FLCN: variants seen among roughly 807,000 people sequenced by gnomAD.
The protein encoded by FLCN is BHD skin lesion fibrofolliculoma protein.
In FLCN, 22 loss-of-function variants were observed where a neutral mutation model predicts 62.5. The observed-to-expected ratio is 0.35, with a 90% CI of 0.25 to 0.50. The LOEUF (loss-of-function observed/expected upper bound fraction) is 0.50, where lower values mean the gene tolerates loss of function less well. FLCN is among the 20% of genes least tolerant of loss of function. The pLI, the probability that FLCN is intolerant of heterozygous loss-of-function variation, is 0.97. For missense variants in FLCN, 657 were observed against 778.0 expected (o/e 0.84, Z 1.85); for synonymous variants, 319 against 310.0 (o/e 1.03, Z -0.30).
At chr17:17,235,034 C>A (rs1238561082) in intron 1 of FLCN, among the ~76,000 whole-genome samples, 1 of 151,044 alleles carries the variant, frequency 6.6e-6, no homozygotes, top group Non-Finnish European at 1.5e-5. Context: ...ATGGCGTGAA[C>A]CCAGGAGGCA....
At chr17:17,223,869 G>C (rs1156489174) in intron 6 of FLCN, 53 bp downstream of exon 6, 1 of 1,582,180 alleles carries the variant, frequency 6.3e-7, no homozygotes, top group African/African-American at 1.3e-5. Context: ...GCACAGAGCG[G>C]CTCATGCAGT....
In FLCN at chr17:17,228,079, AAG is replaced by A. The variant is rs2145049426; in HGVS notation, c.57_58del (p.Phe20LeufsTer16). On this transcript the variant is annotated frameshift_variant, in exon 4 of 14. Coordinates refer to ENST00000285071, the MANE Select transcript of FLCN (RefSeq NM_144997.7). LOFTEE classifies it high-confidence loss of function. ...TGGGGCGTGCAGCACCTCCGTGCAGAAGAGAGTGCGGGGGCCGTGGAGCTCGC... is the reference window on the plus strand; with the variant it reads ...TGGGGCGTGCAGCACCTCCGTGCAGAAGAGTGCGGGGGCCGTGGAGCTCGC... The A allele has an allele frequency of 6.2e-7, 1 of 1,613,614 alleles. No individual in the cohort carries two copies.
intron 5 of FLCN, chr17:17,224,946 G>A (rs997673047): frequency 6.6e-6 from 1 of 152,638 alleles, no homozygotes; most frequent in African/African-American, 2.4e-5. Context: ...TAGCAGACCA[G>A]CGGTAGGAAA....
intron 5 of FLCN, 177 bp from the exon 6 acceptor site, chr17:17,224,320 A>C: frequency 3.1e-6 from 2 of 643,634 alleles, no homozygotes; most frequent in South Asian, 3.6e-5. Context: ...TCCTGTGATC[A>C]AGCTTCCAAC....
chr17:17,223,052 G>C, intron 6 of FLCN: 1 of 340,406 alleles, frequency 2.9e-6, no homozygotes, highest in South Asian at 2.5e-5. Context: ...AAGGCCCTCA[G>C]CACCATCTGT....
chr17:17,230,812 G>A (rs923366270), intron 3 of FLCN, among the ~76,000 whole-genome samples: 4 of 151,996 alleles, frequency 2.6e-5, no homozygotes, highest in Non-Finnish European at 4.4e-5. Context: ...AGAATCGCTC[G>A]AACCTGGGAG....
intron 6 of FLCN, 52 bp downstream of exon 6, chr17:17,223,870 C>T (rs2047167572): frequency 6.3e-7 from 1 of 1,588,756 alleles, no homozygotes; most frequent in Non-Finnish European, 8.6e-7. Context: ...CACAGAGCGG[C>T]TCATGCAGTG....
intron 11 of FLCN, among the ~76,000 whole-genome samples, 185 bp from the exon 12 acceptor site, chr17:17,215,501 T>G (rs1188353980): frequency 6.6e-6 from 1 of 152,154 alleles, no homozygotes; most frequent in Non-Finnish European, 1.5e-5. Flanking sequence ...TAGTTAAGGG[T>G]TAACTTTTGC....
rs1334265584 is a variant in FLCN at position 17,212,358 on chromosome 17, A to G, written c.*1297T>C. 2.8e-5 allele frequency: 5 copies of G among 177,482 alleles called. No individual in the cohort carries two copies. The highest frequency in any genetic ancestry group is 1.2e-5 in the Non-Finnish European group (1 of 82,716). 11.0% of individuals were successfully genotyped at this position (177,482 alleles called of 1,614,324 possible). A position where few individuals can be genotyped will look rare whatever the true frequency, so the allele number is the denominator to read the frequency against. ...CATCAGAAAATCCCTCTGAGCCATG[A>G]ATCCTTATTAAAAATGTATAGTGGG... On this transcript the variant is annotated 3_prime_UTR_variant, in exon 14 of 14. Transcript: ENST00000285071.
Position 17,228,177 on chromosome 17 carries a change from G to A in FLCN, c.-24-16C>T, listed in dbSNP as rs1397194740. The stretch of plus-strand genomic sequence containing the variant: ...TGCAACAGGCCTGCGTGGGACAGGG[G>A]ACATGTCAGCTTGCCAATGCCTATT... On this transcript the variant is annotated splice_polypyrimidine_tract_variant and intron_variant, in intron 3 of 13. Transcript: ENST00000285071. 1.9e-6 allele frequency: 3 copies of A among 1,603,894 alleles called. No homozygotes were observed. The highest frequency in any genetic ancestry group is 2.2e-5 in the East Asian group (1 of 44,774).
chr17:17,215,281 G>A lies in FLCN; in HGVS notation c.1336C>T (p.Arg446Cys), dbSNP rs200724468. ...AVIVEVHAAA[R>C]STLHPVGCED... ...CACCCCACAGGGTGGAGGGTGGAACGTGCGGCTGCGTGGACCTCCACGATG... is the reference window on the plus strand; with the variant it reads ...CACCCCACAGGGTGGAGGGTGGAACATGCGGCTGCGTGGACCTCCACGATG... Residue 446 changes from arginine to cysteine, a missense_variant, in exon 12 of 14, where the codon CGT becomes TGT. By Grantham distance (180) the Arg-to-Cys change is radical. Transcript: ENST00000285071. The A allele has an allele frequency of 1.4e-5, 23 of 1,614,004 alleles. No homozygotes were observed. Among genetic ancestry groups the A allele is most frequent in the African/African-American group, 2.7e-5 (2 of 74,936 alleles).
intron 4 of FLCN, 145 bp downstream of exon 4, chr17:17,227,744 C>T: frequency 8.7e-7 from 1 of 1,144,324 alleles, no homozygotes; most frequent in Non-Finnish European, 1.3e-6. Context: ...ACAAAAGCTA[C>T]AGTCAGGATG....
At chr17:17,220,428 GAAGA>G (rs1360112378) in intron 8 of FLCN, 6 of 152,240 alleles carry the variant, frequency 3.9e-5, no homozygotes, top group African/African-American at 4.8e-5. Context: ...TTTCACAGAT[GAAGA>G]AATTAGTATT....
chr17:17,216,795 C>T lies in FLCN; in HGVS notation c.1176+274G>A, dbSNP rs1187272614. On this transcript the variant is annotated intron_variant, in intron 10 of 13. Transcript: ENST00000285071. This position sits in a 1 kb window ranked among gnomAD's most constrained non-coding sequence, Gnocchi z 4.0. Reference sequence around the variant, plus strand: ...GCCTGCACAGATGTTTGTCTCCTACCGCATCCCACAAAGAAGCTTTTACCA... The same window carrying T: ...GCCTGCACAGATGTTTGTCTCCTACTGCATCCCACAAAGAAGCTTTTACCA... 6.6e-6 allele frequency among the ~76,000 whole-genome samples: 1 copy of T among 152,206 alleles called. No individual in the cohort carries two copies. Among genetic ancestry groups the T allele is most frequent in the Non-Finnish European group, 1.5e-5 (1 of 68,036 alleles).
At chr17:17,215,858 T>TG (rs1365119919) in intron 11 of FLCN, among the ~76,000 whole-genome samples, 1 of 152,112 alleles carries the variant, frequency 6.6e-6, no homozygotes, top group Non-Finnish European at 1.5e-5. Flanking sequence ...CTGATGAGCC[T>TG]GGGGGGCTGA....
chr17:17,222,750 G>C, intron 6 of FLCN, 89 bp from the exon 7 acceptor site: 1 of 1,473,876 alleles, frequency 6.8e-7, no homozygotes, highest in Non-Finnish European at 9.4e-7. Context: ...TCCAGGACCT[G>C]ACTCCTGGAG....
Position 17,216,018 on chromosome 17 carries a change from A to T in FLCN, c.1300+362T>A, listed in dbSNP as rs959194671. 6.6e-6 allele frequency among the ~76,000 whole-genome samples: 1 copy of T among 152,158 alleles called. No homozygotes were observed. The highest frequency in any genetic ancestry group is 6.5e-5 in the Admixed American group (1 of 15,284). On this transcript the variant is annotated intron_variant, in intron 11 of 13. Transcript: ENST00000285071. This position sits in a 1 kb window ranked among gnomAD's most constrained non-coding sequence, Gnocchi z 4.0. ...AGGGGAACAGTAGAAGAGTGAGGAG[A>T]GGATGGCAGGGCCCACAGAAGCAGG...
chr17:17,221,504 G>A (rs1284372050), intron 8 of FLCN, 33 bp downstream of exon 8: 1 of 1,613,864 alleles, frequency 6.2e-7, no homozygotes, highest in African/African-American at 1.3e-5. Flanking sequence ...GGCCATCCGG[G>A]CCAAGGCCCC....
At chr17:17,233,598 C>CAAAAAA (rs71152852) in intron 1 of FLCN, among the ~76,000 whole-genome samples, 1 of 75,270 alleles carries the variant, frequency 1.3e-5, no homozygotes, top group Non-Finnish European at 2.4e-5. Context: ...GACTCCATCT[C>CAAAAAA]AAAAAAAAAA....
Sources: allele counts gnomAD v4.1 joint callset (sites outside exome capture counted in the v4.1 genomes callset), GRCh38; gene constraint gnomAD v4.1.1; non-coding constraint Gnocchi (gnomAD v3.1); transcripts MANE v1.5; gene names NCBI Gene and HGNC (gene_info 2026-07-23, HGNC 2026-07-21).